The following GRID2 variants were observed in gnomAD, a reference collection of about 807,000 sequenced individuals.
GRID2 encodes glutamate receptor ionotropic, delta-2.
In GRID2, 33 loss-of-function variants were observed where a neutral mutation model predicts 114.8. The ratio of observed to expected loss-of-function variants is 0.29; its 90% CI spans 0.22 to 0.38. The LOEUF is 0.38. Ranked by LOEUF, GRID2 falls within the 10% of genes least tolerant of loss-of-function variation. The pLI is 1.00. For synonymous variants in GRID2, 505 were observed against 449.9 expected, an observed-to-expected ratio of 1.12 and a Z score of -1.55; for missense variants, 1,184 against 1,257.7, an observed-to-expected ratio of 0.94 and a Z score of 0.89.
At chr4:93,293,537 C>A (rs1266261284) in intron 8 of GRID2, among the ~76,000 whole-genome samples, 1 of 151,722 alleles carries the variant, frequency 6.6e-6, no homozygotes, top group Non-Finnish European at 1.5e-5. Flanking sequence ...CATCCTTAGA[C>A]CTTTAACATC....
chr4:93,011,399 A>T (rs937965657), intron 2 of GRID2, among the ~76,000 whole-genome samples: 1 of 151,980 alleles, frequency 6.6e-6, no homozygotes, highest in Non-Finnish European at 1.5e-5. Flanking sequence ...GTGATAAAAA[A>T]ATTCAGGCCA....
At chr4:93,464,803 A>G (rs1288051711) in intron 11 of GRID2, among the ~76,000 whole-genome samples, 1 of 152,128 alleles carries the variant, frequency 6.6e-6, no homozygotes, top group Non-Finnish European at 1.5e-5. Context: ...GAGTCTCTTT[A>G]TATTTACAGC....
At chr4:92,961,461 G>T (rs1392220256) in intron 2 of GRID2, among the ~76,000 whole-genome samples, 4 of 150,994 alleles carry the variant, frequency 2.6e-5, no homozygotes, top group Admixed American at 1.3e-4. Flanking sequence ...AGAATTTTAG[G>T]TTGATGATAT....
intron 14 of GRID2, among the ~76,000 whole-genome samples, chr4:93,708,703 A>G (rs1385312229): frequency 6.6e-6 from 1 of 151,854 alleles, no homozygotes; most frequent in African/African-American, 2.4e-5. Flanking sequence ...ACTACTGCCA[A>G]TTTATTATCT....
chr4:92,722,954 G>A (rs115607204), intron 2 of GRID2, among the ~76,000 whole-genome samples: 1,549 of 152,100 alleles, frequency 0.01, 24 homozygotes, highest in African/African-American at 0.036. Flanking sequence ...AATTGTTAAA[G>A]TAACTATTAA....
At chr4:92,682,741 A>C (rs555041437) in intron 2 of GRID2, among the ~76,000 whole-genome samples, 1 of 151,694 alleles carries the variant, frequency 6.6e-6, no homozygotes, top group African/African-American at 2.4e-5. Flanking sequence ...GGAAACATAA[A>C]CATAATAGCC....
intron 14 of GRID2, among the ~76,000 whole-genome samples, chr4:93,629,101 G>A (rs1743009980): frequency 6.6e-6 from 1 of 152,142 alleles, no homozygotes; most frequent in Non-Finnish European, 1.5e-5. Context: ...AATAATGCAT[G>A]AACGTAATAG....
chr4:93,296,306 C>A (rs1754307636), intron 8 of GRID2, among the ~76,000 whole-genome samples: 1 of 151,272 alleles, frequency 6.6e-6, no homozygotes, highest in Admixed American at 6.6e-5. Flanking sequence ...CCCCCTCCCA[C>A]CCCACAGATA....
intron 2 of GRID2, among the ~76,000 whole-genome samples, chr4:92,628,205 T>G (rs1314178535): frequency 1.3e-5 from 2 of 152,180 alleles, no homozygotes; most frequent in Non-Finnish European, 2.9e-5. Context: ...CAGGAGAAGG[T>G]GCCTGTTTCC....
chr4:93,805,840 T>C (rs142212698), intron 1 of GRID2, among the ~76,000 whole-genome samples: 8 of 152,338 alleles, frequency 5.3e-5, no homozygotes, highest in African/African-American at 1.9e-4. Flanking sequence ...CTCACGCCTG[T>C]TATCCCAGCA....
intron 1 of GRID2, among the ~76,000 whole-genome samples, chr4:92,502,232 ATTAATG>A (rs1723720623): frequency 6.6e-6 from 1 of 152,128 alleles, no homozygotes; most frequent in African/African-American, 2.4e-5. Flanking sequence ...TATAAGTTCA[ATTAATG>A]TTAGAAAGAA....
At chr4:92,912,698 T>C (rs576768288) in intron 2 of GRID2, among the ~76,000 whole-genome samples, 9 of 151,852 alleles carry the variant, frequency 5.9e-5, no homozygotes, top group East Asian at 1.9e-4. Context: ...TTTTGTGATA[T>C]TATTTAATTG....
intron 13 of GRID2, among the ~76,000 whole-genome samples, chr4:93,524,541 T>A (rs1297256726): frequency 6.6e-6 from 1 of 151,890 alleles, no homozygotes. Flanking sequence ...ATTTTTGTTT[T>A]TAACAATCCT....
At chr4:93,291,118 C>G (rs1486521415) in intron 8 of GRID2, among the ~76,000 whole-genome samples, 1 of 152,126 alleles carries the variant, frequency 6.6e-6, no homozygotes, top group East Asian at 1.9e-4. Context: ...GCCTCTTGAT[C>G]CGCCCACCAG....
intron 2 of GRID2, among the ~76,000 whole-genome samples, chr4:92,616,968 A>G (rs879519855): frequency 3.3e-5 from 5 of 151,580 alleles, no homozygotes; most frequent in African/African-American, 9.7e-5. Flanking sequence ...TGTGTGATAC[A>G]TATAATGTAT....
In GRID2 at chr4:92,486,949, G is replaced by C. The variant is rs1372048913; in HGVS notation, c.89-103182G>C. 2.6e-5 allele frequency among the ~76,000 whole-genome samples: 4 copies of C among 151,706 alleles called. No individual in the cohort carries two copies. The East Asian group carries it at 7.7e-4, about 29-fold the overall frequency. ...TATGGCTTTTCTTCATTAGATTTTG[G>C]TGTTCATTTCATATAAATTATCAAA... is the stretch of plus-strand genomic sequence containing the variant. On this transcript the variant is annotated intron_variant, in intron 1 of 15. Transcript: ENST00000282020.
At chr4:92,359,424 T>C (rs983845365) in intron 1 of GRID2, among the ~76,000 whole-genome samples, 2 of 152,036 alleles carry the variant, frequency 1.3e-5, no homozygotes, top group South Asian at 4.1e-4. Flanking sequence ...ATCTGACCTA[T>C]AACTTTTTCA....
intron 2 of GRID2, among the ~76,000 whole-genome samples, chr4:92,859,824 C>T (rs766034570): frequency 1.3e-4 from 20 of 152,098 alleles, no homozygotes; most frequent in Non-Finnish European, 2.1e-4. Flanking sequence ...AGTAGAGTTT[C>T]TCAGTCTTGA....
At chr4:92,365,295 A>G (rs1326975744) in intron 1 of GRID2, among the ~76,000 whole-genome samples, 1 of 152,122 alleles carries the variant, frequency 6.6e-6, no homozygotes, top group Non-Finnish European at 1.5e-5. Flanking sequence ...AATATCATGT[A>G]GCTTTAGAAA....
Sources: gnomAD v4.1 joint callset for allele counts (sites outside exome capture counted in the v4.1 genomes callset) on GRCh38, gnomAD v4.1.1 for gene constraint, MANE v1.5 for transcripts, NCBI Gene and HGNC (gene_info 2026-07-23, HGNC 2026-07-21) for gene names.